Variants in SPACA7 observed in about 807,000 individuals in gnomAD.
The protein encoded by SPACA7 is sperm acrosome associated 7.
In SPACA7, 19 loss-of-function variants were observed where a neutral mutation model predicts 26.3. The ratio of observed to expected loss-of-function variants is 0.72; its 90% CI spans 0.50 to 1.06. The LOEUF is 1.06. Among genes scored for constraint, SPACA7 ranks in the 50% least tolerant of loss-of-function variants. SPACA7 has a pLI of 0.00. For synonymous variants in SPACA7, 84 were observed against 84.5 expected (o/e 0.99, Z 0.04); for missense variants, 211 against 229.9 (o/e 0.92, Z 0.53).
At chr13:112,404,820 C>G (rs1439955691) in intron 5 of SPACA7, among the ~76,000 whole-genome samples, 2 of 152,006 alleles carry the variant, frequency 1.3e-5, no homozygotes. Context: ...GTGACTATAG[C>G]CTTATAGTAT....
At position 112,407,249 on chromosome 13, in the gene SPACA7, C is replaced by A. The variant is rs556213355; in HGVS notation, c.445+6085C>A. Among the ~76,000 whole-genome samples the A allele has an allele frequency of 2.1e-4, 32 of 152,226 alleles. No homozygotes were observed. In the South Asian group the frequency reaches 6.6e-3, roughly 32 times the overall value. ...AGAGGGAAATTTATAGCACTAAATG[C>A]CCACAAGAGAAAGCAGGAAATATCT... On this transcript the variant is annotated intron_variant, in intron 5 of 6. Transcript: ENST00000283550.
intron 5 of SPACA7, among the ~76,000 whole-genome samples, chr13:112,432,158 T>C (rs915935389): frequency 6.6e-6 from 1 of 152,212 alleles, no homozygotes; most frequent in Admixed American, 6.5e-5. Flanking sequence ...TCTATGCTAG[T>C]GTCTCCTAAG....
chr13:112,429,751 T>C (rs529764918), intron 5 of SPACA7, among the ~76,000 whole-genome samples: 2 of 152,342 alleles, frequency 1.3e-5, no homozygotes, highest in Non-Finnish European at 1.5e-5. Context: ...ACATACCTGG[T>C]CATTTTTGTT....
At chr13:112,393,123 G>A (rs778948986) in intron 2 of SPACA7, 46 bp downstream of exon 2, 5 of 1,502,416 alleles carry the variant, frequency 3.3e-6, no homozygotes, top group Admixed American at 1.7e-5. Flanking sequence ...CGTGAAGAGG[G>A]CTGGATGGTT....
intron 5 of SPACA7, 127 bp downstream of exon 5, chr13:112,401,291 G>T: frequency 1.5e-6 from 1 of 653,816 alleles, no homozygotes; most frequent in East Asian, 2.7e-5. Flanking sequence ...CCAACATCAT[G>T]GTGAGAAGTG....
intron 5 of SPACA7, among the ~76,000 whole-genome samples, chr13:112,401,532 A>G (rs1242743834): frequency 2.6e-5 from 4 of 152,196 alleles, no homozygotes; most frequent in Non-Finnish European, 5.9e-5. Flanking sequence ...TGATAGATGG[A>G]TAATTGTTGG....
At chr13:112,413,386 G>C (rs1164553783) in intron 5 of SPACA7, among the ~76,000 whole-genome samples, 1 of 146,300 alleles carries the variant, frequency 6.8e-6, no homozygotes, top group African/African-American at 2.5e-5. Flanking sequence ...TTTTCCTTTA[G>C]CACTTTAAAT....
chr13:112,414,147 A>G (rs931463040), intron 5 of SPACA7, among the ~76,000 whole-genome samples: 6 of 152,120 alleles, frequency 3.9e-5, no homozygotes, highest in African/African-American at 1.4e-4. Flanking sequence ...AGAAGGCCCC[A>G]CGTCCAACAC....
rs1357750023 is a variant in SPACA7 at position 112,376,393 on chromosome 13, T to G, written c.8T>G (p.Val3Gly). MA[V>G]SQGDGTLCFV... Reference sequence around the variant, plus strand: ...CCCTCAGCTGGAGGGAGCATGGCAGTGAGCCAAGGAGACGGGACCCTCTGC... The same window carrying G: ...CCCTCAGCTGGAGGGAGCATGGCAGGGAGCCAAGGAGACGGGACCCTCTGC... The change falls in exon 1 of 7, where the codon GTG (valine) becomes GGG (glycine). Residue 3 changes from valine to glycine, a missense_variant. By Grantham distance (109) the Val-to-Gly change is moderately radical. Transcript: ENST00000283550. The G allele has an allele frequency of 1.5e-5, 24 of 1,613,472 alleles. No individual in the cohort carries two copies. The highest frequency in any genetic ancestry group is 2.0e-5 in the Non-Finnish European group (24 of 1,179,756).
intron 1 of SPACA7, among the ~76,000 whole-genome samples, chr13:112,392,748 C>G (rs896091066): frequency 5.3e-5 from 8 of 152,164 alleles, no homozygotes; most frequent in African/African-American, 1.9e-4. Context: ...ACCAGGAGGG[C>G]AGGCTCAGCT....
chr13:112,430,321 C>A (rs1876973321), intron 5 of SPACA7, among the ~76,000 whole-genome samples: 1 of 152,162 alleles, frequency 6.6e-6, no homozygotes, highest in Non-Finnish European at 1.5e-5. Flanking sequence ...TGGAAACTCT[C>A]CAGGCAGTGC....
chr13:112,390,725 C>T (rs190960944), intron 1 of SPACA7, among the ~76,000 whole-genome samples: 93 of 152,300 alleles, frequency 6.1e-4, no homozygotes, highest in Middle Eastern at 3.4e-3. Context: ...AACGAAATCT[C>T]AGGAAAACTC....
chr13:112,399,545 C>A (rs987191212), intron 4 of SPACA7, among the ~76,000 whole-genome samples: 10 of 152,382 alleles, frequency 6.6e-5, no homozygotes, highest in Non-Finnish European at 1.3e-4. Flanking sequence ...CCAGAGTGCC[C>A]CCAGGGGGGT....
At chr13:112,433,948 G>A (rs368374517) in intron 6 of SPACA7, among the ~76,000 whole-genome samples, 1 of 152,152 alleles carries the variant, frequency 6.6e-6, no homozygotes, top group Non-Finnish European at 1.5e-5. Flanking sequence ...TGACTGTTCT[G>A]CAGGGAGAAC....
At chr13:112,429,290 G>A (rs1876833241) in intron 5 of SPACA7, among the ~76,000 whole-genome samples, 1 of 151,944 alleles carries the variant, frequency 6.6e-6, no homozygotes, top group Non-Finnish European at 1.5e-5. Flanking sequence ...GCAGGAGGAT[G>A]GCTTTAGCCC....
chr13:112,433,684 TG>T (rs1877424884), intron 6 of SPACA7, among the ~76,000 whole-genome samples: 1 of 151,416 alleles, frequency 6.6e-6, no homozygotes. Flanking sequence ...TTCTCTGAAG[TG>T]GGGCCCCCAG....
chr13:112,427,007 G>C (rs1225754421), intron 5 of SPACA7, among the ~76,000 whole-genome samples: 1 of 152,224 alleles, frequency 6.6e-6, no homozygotes, highest in Non-Finnish European at 1.5e-5. Flanking sequence ...GATGTTAGCT[G>C]CAGGGATTTT....
rs554501564 is a variant in SPACA7, at chr13:112,431,074, C to G, written c.446-1370C>G. ...GAAACTGGTAGTGAGGACCAACCAC[C>G]GGAAACAGCCTGATGTTTCACTGAA... On this transcript the variant is annotated intron_variant, in intron 5 of 6. Transcript: ENST00000283550. 3.3e-5 allele frequency among the ~76,000 whole-genome samples: 5 copies of G among 152,256 alleles called. No homozygotes were observed. The East Asian group carries it at 9.6e-4, about 29-fold the overall frequency.
At chr13:112,425,552 AAAG>A (rs1291379686) in intron 5 of SPACA7, among the ~76,000 whole-genome samples, 3 of 152,210 alleles carry the variant, frequency 2.0e-5, no homozygotes, top group Non-Finnish European at 4.4e-5. Flanking sequence ...AACATTTGAA[AAAG>A]AAGAACAGAA....
Sources: allele counts gnomAD v4.1 joint callset (sites outside exome capture counted in the v4.1 genomes callset), GRCh38; gene constraint gnomAD v4.1.1; transcripts MANE v1.5; gene names NCBI Gene and HGNC (gene_info 2026-07-23, HGNC 2026-07-21).